The following BAHCC1 variants were observed in gnomAD, a reference collection of about 807,000 sequenced individuals.
The protein encoded by BAHCC1 is BAH and coiled-coil domain-containing protein 1.
BAHCC1 carries 43 observed loss-of-function variants against 88.2 expected under a neutral mutation model. The ratio of observed to expected loss-of-function variants is 0.49; its 90% CI spans 0.38 to 0.63. BAHCC1 has a LOEUF of 0.63. Among genes scored for constraint, BAHCC1 ranks in the 20% least tolerant of loss-of-function variants. The probability of loss-of-function intolerance (pLI) is 0.00; values close to 1 mark genes in which losing one functional copy is unlikely to be tolerated. For synonymous variants in BAHCC1, 1,510 were observed against 745.5 expected, an observed-to-expected ratio of 2.03 and a Z score of -16.71; for missense variants, 3,023 against 1,654.8, an observed-to-expected ratio of 1.83 and a Z score of -14.34.
chr17:81,417,686 G>T (rs6565568), intron 2 of BAHCC1, among the ~76,000 whole-genome samples: 1 of 152,250 alleles, frequency 6.6e-6, no homozygotes, highest in Admixed American at 6.5e-5. Flanking sequence ...CATCACCTCC[G>T]GGCCGTTTCC....
chr17:81,462,417 C>A, intron 26 of BAHCC1: 1 of 494,572 alleles, frequency 2.0e-6, no homozygotes. Flanking sequence ...TGCTCGGGGG[C>A]GCATGTGGGG....
rs75350057 is a variant in BAHCC1, at chr17:81,455,154, G to C, written c.4446-113G>C. ...CCCTGCTCTGTCTGCCCGAGACGTG[G>C]GGCCCTTGGAGGAGGGTGACCCACA... On this transcript the variant is annotated intron_variant, in intron 14 of 27. Coordinates refer to ENST00000675386, the MANE Select transcript of BAHCC1 (RefSeq NM_001377448.1). The C allele has an allele frequency of 2.1e-3, 1,340 of 635,974 alleles. 11 individuals are homozygous for C. In the African/African-American group the frequency reaches 0.022, roughly 11 times the overall value. The allele number at this position is 635,974 out of a possible 1,614,324, so 39.4% of individuals were successfully genotyped here.
intron 14 of BAHCC1, among the ~76,000 whole-genome samples, chr17:81,454,020 A>G (rs2064698038): frequency 6.6e-6 from 1 of 152,248 alleles, no homozygotes; most frequent in South Asian, 2.1e-4. Flanking sequence ...AGGGCCAGGC[A>G]GGGCTCTTTG....
intron 3 of BAHCC1, among the ~76,000 whole-genome samples, chr17:81,436,517 C>T (rs1484983084): frequency 1.3e-5 from 2 of 152,182 alleles, no homozygotes; most frequent in African/African-American, 2.4e-5. Flanking sequence ...TAACAGCAGC[C>T]AATTAAAGGG....
rs782723954 is a variant in BAHCC1 at position 81,442,659 on chromosome 17, A to C, written c.1310A>C (p.Tyr437Ser). The C allele has an allele frequency of 1.3e-6, 1 of 775,480 alleles. No individual in the cohort carries two copies. The highest frequency in any genetic ancestry group is 2.4e-6 in the Non-Finnish European group (1 of 416,180). 48.0% of individuals were successfully genotyped at this position (775,480 alleles called of 1,614,324 possible). A position where few individuals can be genotyped will look rare whatever the true frequency, so the allele number is the denominator to read the frequency against. Residue 437 changes from tyrosine to serine, a missense_variant, in exon 5 of 28, where the codon TAT (tyrosine) becomes TCT (serine). Physicochemically the swap from Tyr to Ser is moderately radical, Grantham distance 144 (BLOSUM62 -2). Transcript: ENST00000675386. Reference protein sequence around the residue: ...GTMAPDHAAPYGVSYAHLKAE... With the variant: ...GTMAPDHAAPSGVSYAHLKAE... The stretch of plus-strand genomic sequence containing the variant: ...ATGGCCCCCGACCACGCTGCACCCT[A>C]TGGAGTCTCCTATGCCCACCTGAAG...
intron 12 of BAHCC1, 24 bp downstream of exon 12, chr17:81,451,894 C>T (rs782744695): frequency 5.7e-6 from 4 of 697,216 alleles, no homozygotes; most frequent in African/African-American, 3.5e-5. Flanking sequence ...CCAGTGCCCA[C>T]GTCGCCCAGT....
At chr17:81,403,994 G>A (rs1369452511) in intron 2 of BAHCC1, among the ~76,000 whole-genome samples, 1 of 152,258 alleles carries the variant, frequency 6.6e-6, no homozygotes, top group Non-Finnish European at 1.5e-5. Context: ...AGGCAAATTA[G>A]TGAGCCAGGC....
Position 81,459,177 on chromosome 17 carries a change from T to C in BAHCC1, c.5720+9T>C. 2 of 768,274 alleles carry C rather than the reference T, an allele frequency of 2.6e-6. No individual in the cohort carries two copies. Among genetic ancestry groups the C allele is most frequent in the South Asian group, 2.7e-5 (2 of 73,212 alleles). 47.6% of individuals were successfully genotyped at this position (768,274 alleles called of 1,614,324 possible). Reference sequence around the variant, plus strand: ...CTGCAGCCACCCGACATGTGAGGCCTGGGCATGGTGGGGCAGGGCAGGGGC... The same window carrying C: ...CTGCAGCCACCCGACATGTGAGGCCCGGGCATGGTGGGGCAGGGCAGGGGC... On this transcript the variant is annotated intron_variant, in intron 21 of 27. Transcript: ENST00000675386.
chr17:81,451,453 C>T (rs1170914600), intron 11 of BAHCC1, among the ~76,000 whole-genome samples: 1 of 152,208 alleles, frequency 6.6e-6, no homozygotes, highest in Non-Finnish European at 1.5e-5. Flanking sequence ...TCCCAGCTGG[C>T]CCTGCCTTAC....
chr17:81,413,698 C>T (rs567169541), intron 2 of BAHCC1, among the ~76,000 whole-genome samples: 1 of 152,206 alleles, frequency 6.6e-6, no homozygotes, highest in Non-Finnish European at 1.5e-5. Context: ...GCAGCCCGCT[C>T]GGACCACCTG....
intron 11 of BAHCC1, among the ~76,000 whole-genome samples, chr17:81,448,497 G>A (rs1307586920): frequency 6.6e-6 from 1 of 152,222 alleles, no homozygotes; most frequent in African/African-American, 2.4e-5. Context: ...GTGCTCCCGG[G>A]AAAGCGCCCG....
At chr17:81,415,879 C>T (rs116651787) in intron 2 of BAHCC1, among the ~76,000 whole-genome samples, 3,496 of 152,320 alleles carry the variant, frequency 0.023, 132 homozygotes, top group African/African-American at 0.078. Flanking sequence ...CCATCGAGGA[C>T]GGCCCAGGAT....
intron 11 of BAHCC1, 139 bp from the exon 12 acceptor site, chr17:81,451,529 C>T (rs1555655740): frequency 3.3e-6 from 2 of 605,740 alleles, no homozygotes; most frequent in Non-Finnish European, 6.0e-6. Context: ...CTGGTGCCCA[C>T]CTCACTCTTC....
chr17:81,397,999 C>G (rs1170386653), intron 1 of BAHCC1, among the ~76,000 whole-genome samples: 1 of 151,996 alleles, frequency 6.6e-6, no homozygotes, highest in Admixed American at 6.5e-5. Context: ...GTTTTAGAAC[C>G]CGGACCATAA....
intron 13 of BAHCC1, among the ~76,000 whole-genome samples, chr17:81,452,412 A>C (rs1598501315): frequency 1.0e-5 from 1 of 99,680 alleles, no homozygotes; most frequent in African/African-American, 4.0e-5. Flanking sequence ...CAGAAGGGGG[A>C]GTAGGGAGGA....
chr17:81,462,143 C>G (rs1313545196), intron 26 of BAHCC1, 97 bp downstream of exon 26: 1 of 615,180 alleles, frequency 1.6e-6, no homozygotes, highest in Non-Finnish European at 2.9e-6. Flanking sequence ...TTTTCATCTT[C>G]CTACTTGATT....
chr17:81,447,544 G>A lies in BAHCC1; in HGVS notation c.3672G>A (p.Glu1224=), dbSNP rs781889193. 4 of 756,706 alleles carry A rather than the reference G, an allele frequency of 5.3e-6. No individual in the cohort carries two copies. In the East Asian group the frequency reaches 7.5e-5, roughly 14 times the overall value. The allele number at this position is 756,706 out of a possible 1,614,324, so 46.9% of individuals were successfully genotyped here. A position where few individuals can be genotyped will look rare whatever the true frequency, so the allele number is the denominator to read the frequency against. ...AGGGGGAGCAGCCGGCCCCTGAGGA[G>A]GACGAGCTGGAGGAAGACGAGCTGG... The part of the protein sequence containing the change: ...EDEGEQPAPE[E]DELEEDELGQ... Residue 1224 remains glutamate, a synonymous_variant, in exon 11 of 28, where the codon GAG becomes GAA. Transcript: ENST00000675386.
At chr17:81,431,482 A>G (rs1330158846) in intron 3 of BAHCC1, among the ~76,000 whole-genome samples, 3 of 152,172 alleles carry the variant, frequency 2.0e-5, no homozygotes, top group African/African-American at 7.2e-5. Flanking sequence ...GCTAGGGGAG[A>G]CACAGACTTG....
chr17:81,463,289 A>G (rs2030460653), intron 27 of BAHCC1, among the ~76,000 whole-genome samples: 2 of 152,176 alleles, frequency 1.3e-5, no homozygotes, highest in African/African-American at 2.4e-5. Context: ...AGCCTGAGAC[A>G]GAAATTGCAC....
Sources: allele counts gnomAD v4.1 joint callset (sites outside exome capture counted in the v4.1 genomes callset), GRCh38; gene constraint gnomAD v4.1.1; transcripts MANE v1.5; gene names NCBI Gene and HGNC (gene_info 2026-07-23, HGNC 2026-07-21).